MYT1L: variants seen among roughly 807,000 people sequenced by gnomAD.
MYT1L encodes the protein myelin transcription factor 1-like protein.
MYT1L carries 12 observed loss-of-function variants against 126.7 expected under a neutral mutation model. The ratio of observed to expected loss-of-function variants is 0.09; its 90% CI spans 0.06 to 0.15. MYT1L has a LOEUF of 0.15. MYT1L is among the 10% of genes least tolerant of loss of function. The pLI is 1.00. For synonymous variants in MYT1L, 541 were observed against 604.2 expected (o/e 0.90, Z 1.53); for missense variants, 979 against 1,585.2 (o/e 0.62, Z 6.49).
chr2:2,234,633 C>T, intron 2 of MYT1L, among the ~76,000 whole-genome samples: 1 of 152,158 alleles, frequency 6.6e-6, no homozygotes, highest in Non-Finnish European at 1.5e-5. Context: ...CCTACTTCAC[C>T]TAAAACTGTA....
intron 2 of MYT1L, 73 bp from the exon 3 acceptor site, chr2:2,173,061 C>T (rs2090286299): frequency 6.6e-6 from 1 of 152,214 alleles, no homozygotes; most frequent in African/African-American, 2.4e-5. Flanking sequence ...GGTTTGTTCC[C>T]CTGTGCTGTG....
intron 3 of MYT1L, among the ~76,000 whole-genome samples, chr2:2,123,306 C>T (rs1029125917): frequency 2.0e-5 from 3 of 152,282 alleles, no homozygotes; most frequent in African/African-American, 4.8e-5. Flanking sequence ...ATCCCTAGAA[C>T]CTGGGGATAA....
At chr2:2,238,021 A>G (rs1017277005) in intron 2 of MYT1L, among the ~76,000 whole-genome samples, 5 of 152,248 alleles carry the variant, frequency 3.3e-5, no homozygotes, top group African/African-American at 1.2e-4. Flanking sequence ...AAGGCGCGTT[A>G]TGATTCCTCC....
chr2:1,967,728 G>T (rs535488600), intron 8 of MYT1L, among the ~76,000 whole-genome samples: 2 of 152,196 alleles, frequency 1.3e-5, no homozygotes, highest in Non-Finnish European at 2.9e-5. Flanking sequence ...AGGATGGGGG[G>T]AGGGTGTGGC....
At chr2:2,294,966 T>A (rs560141194) in intron 1 of MYT1L, among the ~76,000 whole-genome samples, 2 of 152,258 alleles carry the variant, frequency 1.3e-5, no homozygotes, top group Admixed American at 6.5e-5. Flanking sequence ...CTTTTTTTTT[T>A]AGGTGGTGAT....
chr2:2,312,365 C>A (rs2095986740), intron 1 of MYT1L, among the ~76,000 whole-genome samples: 1 of 152,142 alleles, frequency 6.6e-6, no homozygotes, highest in African/African-American at 2.4e-5. Context: ...AATCCTAGCA[C>A]TTTGAGAGGC....
intron 4 of MYT1L, among the ~76,000 whole-genome samples, chr2:2,033,778 T>C (rs2066683447): frequency 6.6e-6 from 1 of 152,156 alleles, no homozygotes; most frequent in Non-Finnish European, 1.5e-5. Context: ...TTGAAGGACA[T>C]GGTGCCTGGA....
At chr2:1,976,488 A>C (rs2060197029) in intron 8 of MYT1L, among the ~76,000 whole-genome samples, 1 of 152,166 alleles carries the variant, frequency 6.6e-6, no homozygotes, top group Admixed American at 6.5e-5. Context: ...CTAAAAATGC[A>C]AAAATTAGCT....
chr2:1,979,141 T>C lies in MYT1L; in HGVS notation c.152+24A>G. 6.3e-7 allele frequency: 1 copy of C among 1,591,830 alleles called. No homozygotes were observed. The highest frequency in any genetic ancestry group is 8.5e-7 in the Non-Finnish European group (1 of 1,170,332). Reference sequence around the variant, plus strand: ...ATAAGTCACTTTAGACAGCACATTGTGGAAAAAAAAATGCAGGCATTACCT... The same window carrying C: ...ATAAGTCACTTTAGACAGCACATTGCGGAAAAAAAAATGCAGGCATTACCT... On this transcript the variant is annotated intron_variant, in intron 8 of 24. Coordinates refer to ENST00000647738, the MANE Select transcript of MYT1L (RefSeq NM_001303052.2). This position sits in a 1 kb window ranked among gnomAD's most constrained non-coding sequence, Gnocchi z 4.0.
intron 4 of MYT1L, among the ~76,000 whole-genome samples, chr2:2,005,674 G>A (rs2063215985): frequency 6.7e-6 from 1 of 149,790 alleles, no homozygotes; most frequent in Non-Finnish European, 1.5e-5. Flanking sequence ...TTTCCTGCAT[G>A]CGTTCTTTCC....
chr2:2,011,186 T>G (rs1215093363), intron 4 of MYT1L, among the ~76,000 whole-genome samples: 2 of 152,088 alleles, frequency 1.3e-5, no homozygotes, highest in African/African-American at 4.8e-5. Flanking sequence ...GTCAGGAGTT[T>G]GAGACCAGCC....
intron 2 of MYT1L, among the ~76,000 whole-genome samples, chr2:2,277,810 C>A (rs1303195697): frequency 6.6e-6 from 1 of 151,950 alleles, no homozygotes; most frequent in Non-Finnish European, 1.5e-5. Context: ...GAAAAAATAC[C>A]CACGATACAG....
At chr2:2,168,670 T>C (rs2089541682) in intron 3 of MYT1L, among the ~76,000 whole-genome samples, 1 of 152,166 alleles carries the variant, frequency 6.6e-6, no homozygotes, top group Admixed American at 6.5e-5. Context: ...CAGATGACCC[T>C]GAAGTGCTTT....
intron 2 of MYT1L, among the ~76,000 whole-genome samples, chr2:2,206,882 C>T (rs187725922): frequency 2.2e-4 from 33 of 152,244 alleles, no homozygotes; most frequent in East Asian, 5.8e-4. Flanking sequence ...CCGCCAAGCA[C>T]GGTACTGAAG....
intron 21 of MYT1L, among the ~76,000 whole-genome samples, chr2:1,813,753 C>T (rs973680706): frequency 6.6e-6 from 1 of 151,712 alleles, no homozygotes; most frequent in Non-Finnish European, 1.5e-5. Flanking sequence ...TCCGGCCGGG[C>T]GCGGTGGCTC....
At chr2:1,804,703 T>C (rs2035413656) in intron 22 of MYT1L, among the ~76,000 whole-genome samples, 1 of 152,322 alleles carries the variant, frequency 6.6e-6, no homozygotes, top group Admixed American at 6.5e-5. Context: ...CTCTCACTAA[T>C]GGCTTGGTGG....
chr2:1,900,145 TG>T (rs1233476343), intron 14 of MYT1L, among the ~76,000 whole-genome samples: 1 of 152,180 alleles, frequency 6.6e-6, no homozygotes, highest in Non-Finnish European at 1.5e-5. Flanking sequence ...CTGAAGCAAG[TG>T]TTGGCAAAGA....
intron 3 of MYT1L, among the ~76,000 whole-genome samples, chr2:2,136,198 G>A (rs974586461): frequency 1.3e-5 from 2 of 152,118 alleles, no homozygotes; most frequent in Admixed American, 6.5e-5. Flanking sequence ...ACAGAATAAT[G>A]AGCAAAGGAG....
chr2:2,320,957 G>A (rs1450285023), intron 1 of MYT1L, among the ~76,000 whole-genome samples: 1 of 152,212 alleles, frequency 6.6e-6, no homozygotes, highest in Non-Finnish European at 1.5e-5. Context: ...TGGATGCCAG[G>A]AGACCATACA....
Sources: gnomAD v4.1 joint callset for allele counts (sites outside exome capture counted in the v4.1 genomes callset) on GRCh38, gnomAD v4.1.1 for gene constraint, Gnocchi (gnomAD v3.1) non-coding constraint, MANE v1.5 for transcripts, NCBI Gene and HGNC (gene_info 2026-07-23, HGNC 2026-07-21) for gene names.